Variants in TBC1D19 observed in about 807,000 individuals in gnomAD.
TBC1D19 encodes the protein TBC1 domain family, member 19.
TBC1D19 carries 60 observed loss-of-function variants against 89.0 expected under a neutral mutation model. That is an observed-to-expected ratio of 0.67 (90% CI 0.55 to 0.84). The LOEUF (loss-of-function observed/expected upper bound fraction) is 0.84, where lower values mean the gene tolerates loss of function less well. TBC1D19 is among the 40% of genes least tolerant of loss of function. TBC1D19 has a pLI of 0.00. For missense variants in TBC1D19, 500 were observed against 610.8 expected (o/e 0.82, Z 1.91); for synonymous variants, 189 against 199.7 (o/e 0.95, Z 0.45).
At chr4:26,783,918 T>C in the TBC1D19 span, among the ~76,000 whole-genome samples, 1 of 152,126 alleles carries the variant, frequency 6.6e-6, no homozygotes, top group Non-Finnish European at 1.5e-5. Flanking sequence ...GTATGTTCTC[T>C]AAATTCAAAA....
chr4:26,620,572 A>G, intron 3 of TBC1D19, 41 bp from the exon 4 acceptor site: 2 of 1,543,934 alleles, frequency 1.3e-6, no homozygotes, highest in Non-Finnish European at 1.8e-6. Flanking sequence ...TCTAACCAAG[A>G]GAATAATGTG....
the TBC1D19 span, among the ~76,000 whole-genome samples, chr4:26,851,127 C>A: frequency 6.6e-6 from 1 of 152,202 alleles, no homozygotes; most frequent in Non-Finnish European, 1.5e-5. Context: ...CCCCTCAATC[C>A]AAGTTTGCAG....
At position 26,755,384 on chromosome 4, in the gene TBC1D19, A is replaced by G. The variant is rs1719210128; in HGVS notation, c.*437A>G. 1 of 152,342 alleles carries G rather than the reference A, an allele frequency of 6.6e-6. No homozygotes were observed. The highest frequency in any genetic ancestry group is 2.1e-4 in the South Asian group (1 of 4,826). 9.4% of individuals were successfully genotyped at this position (152,342 alleles called of 1,614,324 possible). ...TTGTCTCATAAATTGCTCCTCACTA[A>G]GAGCCAGGGGTGGGGTAGGGTGTGA... On this transcript the variant is annotated 3_prime_UTR_variant, in exon 21 of 21. Transcript: ENST00000264866.
At chr4:26,635,050 G>C (rs1225672340) in intron 4 of TBC1D19, among the ~76,000 whole-genome samples, 3 of 152,084 alleles carry the variant, frequency 2.0e-5, no homozygotes, top group Non-Finnish European at 4.4e-5. Flanking sequence ...GATTGAAAAT[G>C]AGAATATTTG....
chr4:26,728,932 C>G (rs1037997531), intron 15 of TBC1D19, among the ~76,000 whole-genome samples: 10 of 152,244 alleles, frequency 6.6e-5, no homozygotes, highest in South Asian at 2.1e-4. Context: ...GGAGAATGGC[C>G]TGAACCCGGG....
At chr4:26,743,870 T>G (rs1578010744) in intron 18 of TBC1D19, among the ~76,000 whole-genome samples, 1 of 151,654 alleles carries the variant, frequency 6.6e-6, no homozygotes, top group South Asian at 2.1e-4. Flanking sequence ...AGACATTTAG[T>G]TCATTACTAG....
chr4:26,810,615 G>A, the TBC1D19 span, among the ~76,000 whole-genome samples: 2 of 152,040 alleles, frequency 1.3e-5, no homozygotes, highest in Non-Finnish European at 2.9e-5. Context: ...GCGCCATGCT[G>A]TTCTCCGTGC....
At chr4:26,599,281 T>C (rs956979273) in intron 1 of TBC1D19, among the ~76,000 whole-genome samples, 7 of 152,228 alleles carry the variant, frequency 4.6e-5, no homozygotes, top group Admixed American at 2.0e-4. Flanking sequence ...TTTAATAATA[T>C]ACTTTTAAAC....
chr4:26,739,934 T>C lies in TBC1D19; in HGVS notation c.1188T>C (p.Arg396=), dbSNP rs1232936813. The change falls in exon 17 of 21, where the codon CGT becomes CGC. Residue 396 remains arginine (R), a synonymous_variant. Coordinates refer to ENST00000264866, the MANE Select transcript of TBC1D19 (RefSeq NM_018317.4). ...LYQIFREMYV[R]FFFRLHSISS... ...AGATATTCCGTGAGATGTATGTGCG[T>C]TTTTTCTTCAGACTCCATTCCATCT... 1.4e-5 allele frequency: 22 copies of C among 1,597,152 alleles called. No individual in the cohort carries two copies. Among genetic ancestry groups the C allele is most frequent in the Non-Finnish European group, 1.9e-5 (22 of 1,172,726 alleles).
chr4:26,635,189 A>G (rs1743048738), intron 4 of TBC1D19, among the ~76,000 whole-genome samples: 1 of 152,154 alleles, frequency 6.6e-6, no homozygotes, highest in African/African-American at 2.4e-5. Context: ...ATTTTTTAAT[A>G]AGCTTTTTCT....
At chr4:26,819,712 A>G in the TBC1D19 span, among the ~76,000 whole-genome samples, 1 of 152,196 alleles carries the variant, frequency 6.6e-6, no homozygotes, top group Non-Finnish European at 1.5e-5. Context: ...CACTCAGAGT[A>G]AATTTCAAAC....
chr4:26,695,381 GAT>G (rs1285989536), intron 13 of TBC1D19, among the ~76,000 whole-genome samples: 1 of 152,220 alleles, frequency 6.6e-6, no homozygotes, highest in Non-Finnish European at 1.5e-5. Context: ...ATCTGTGTCT[GAT>G]TGGTGTACCT....
At chr4:26,835,834 G>A in the TBC1D19 span, among the ~76,000 whole-genome samples, 2 of 152,104 alleles carry the variant, frequency 1.3e-5, no homozygotes, top group Non-Finnish European at 2.9e-5. Context: ...AAACTTTGAT[G>A]TGGCTCACCA....
chr4:26,853,078 T>A, the TBC1D19 span, among the ~76,000 whole-genome samples: 6 of 152,236 alleles, frequency 3.9e-5, no homozygotes, highest in Admixed American at 3.9e-4. Flanking sequence ...GCCATGATTC[T>A]ACTCAAAACC....
At chr4:26,701,215 A>T (rs73114663) in intron 13 of TBC1D19, among the ~76,000 whole-genome samples, 1 of 152,294 alleles carries the variant, frequency 6.6e-6, no homozygotes, top group African/African-American at 2.4e-5. Flanking sequence ...AAAACTTCAA[A>T]GCAGCCATTA....
intron 12 of TBC1D19, 60 bp from the exon 13 acceptor site, chr4:26,688,285 T>C: frequency 6.6e-7 from 1 of 1,510,170 alleles, no homozygotes; most frequent in Non-Finnish European, 8.9e-7. Context: ...ATGTGTATGC[T>C]TTAGTACTAC....
At chr4:26,594,534 G>T (rs947331763) in intron 1 of TBC1D19, among the ~76,000 whole-genome samples, 2 of 152,046 alleles carry the variant, frequency 1.3e-5, no homozygotes, top group African/African-American at 4.8e-5. Context: ...CTCTAGCTGT[G>T]CAGCTGCAAG....
chr4:26,830,825 C>T, the TBC1D19 span, among the ~76,000 whole-genome samples: 1 of 152,164 alleles, frequency 6.6e-6, no homozygotes, highest in Non-Finnish European at 1.5e-5. Flanking sequence ...GAGACTCATC[C>T]TTCAGTAAAG....
At chr4:26,825,314 G>A in the TBC1D19 span, among the ~76,000 whole-genome samples, 2 of 152,048 alleles carry the variant, frequency 1.3e-5, no homozygotes, top group Non-Finnish European at 2.9e-5. Context: ...GGCCAGGATG[G>A]TCTCAATCTC....
Sources: gnomAD v4.1 joint callset for allele counts (sites outside exome capture counted in the v4.1 genomes callset) on GRCh38, gnomAD v4.1.1 for gene constraint, MANE v1.5 for transcripts, NCBI Gene and HGNC (gene_info 2026-07-23, HGNC 2026-07-21) for gene names.